Variants in LHCGR observed in about 807,000 individuals in gnomAD.
LHCGR encodes lutropin-choriogonadotropic hormone receptor.
A neutral mutation model predicts 60.7 loss-of-function variants in LHCGR; 55 were observed. That is an observed-to-expected ratio of 0.91 (90% CI 0.73 to 1.13). The LOEUF (loss-of-function observed/expected upper bound fraction) is 1.13, where lower values mean the gene tolerates loss of function less well. Among genes scored for constraint, LHCGR ranks in the 50% most tolerant of loss-of-function variants. LHCGR has a pLI of 0.00. For missense variants in LHCGR, 862 were observed against 836.0 expected, an observed-to-expected ratio of 1.03 and a Z score of -0.38; for synonymous variants, 337 against 316.5, an observed-to-expected ratio of 1.06 and a Z score of -0.69.
intron 1 of LHCGR, among the ~76,000 whole-genome samples, chr2:48,742,984 G>T (rs947244195): frequency 2.6e-5 from 4 of 152,088 alleles, no homozygotes; most frequent in African/African-American, 7.2e-5. Context: ...GAATCCAATA[G>T]ATGCAATAAA....
intron 1 of LHCGR, among the ~76,000 whole-genome samples, chr2:48,750,968 G>A (rs1056437035): frequency 6.6e-6 from 1 of 152,226 alleles, no homozygotes; most frequent in Admixed American, 6.5e-5. Context: ...ATTGTCAATT[G>A]TCAATATTGC....
rs1558796478 is a variant in LHCGR, at chr2:48,687,849, GT to G, written c.1947del (p.Glu649AspfsTer30). ...GCTGAAAAATCTTTCCTTCTATAAAGTTCAGCCCGACGTTTACAGCAGCCAA... is the reference window on the plus strand; with the variant it reads ...GCTGAAAAATCTTTCCTTCTATAAAGTCAGCCCGACGTTTACAGCAGCCAA... ...SKFGCCKRRA[E>X]LYRRKDFSAY... On this transcript the variant is annotated frameshift_variant, in exon 11 of 11. Transcript: ENST00000294954. LOFTEE classifies it high-confidence loss of function. The G allele has an allele frequency of 6.2e-7, 1 of 1,614,096 alleles. No homozygotes were observed. Among genetic ancestry groups the G allele is most frequent in the South Asian group, 1.1e-5 (1 of 91,082 alleles).
intron 4 of LHCGR, among the ~76,000 whole-genome samples, chr2:48,724,568 A>G (rs1668637667): frequency 6.6e-6 from 1 of 152,204 alleles, no homozygotes. Context: ...GCAGTGTGGG[A>G]TTAGACTGCA....
At chr2:48,751,520 A>G (rs528916416) in intron 1 of LHCGR, among the ~76,000 whole-genome samples, 1 of 152,140 alleles carries the variant, frequency 6.6e-6, no homozygotes, top group Non-Finnish European at 1.5e-5. Flanking sequence ...CATTCTGTGA[A>G]TTCCTTAGAG....
chr2:48,721,891 C>T (rs1668513921), intron 6 of LHCGR: 3 of 420,376 alleles, frequency 7.1e-6, no homozygotes, highest in Non-Finnish European at 1.4e-5. Context: ...GTGACTCATG[C>T]CTGTTTTCCC....
intron 6 of LHCGR, among the ~76,000 whole-genome samples, chr2:48,718,265 G>A (rs1156486305): frequency 2.0e-5 from 3 of 152,156 alleles, no homozygotes; most frequent in South Asian, 2.1e-4. Context: ...CTACTCAAAT[G>A]TCAGTAATTG....
chr2:48,731,253 G>A lies in LHCGR; in HGVS notation c.207C>T (p.Phe69=), dbSNP rs911406588. 4 of 1,611,562 alleles carry A rather than the reference G, an allele frequency of 2.5e-6. No homozygotes were observed. Among genetic ancestry groups the A allele is most frequent in the Non-Finnish European group, 3.4e-6 (4 of 1,178,348 alleles). The change falls in exon 2 of 11, where the codon TTC becomes TTT. Residue 69 remains phenylalanine (F), a synonymous_variant. Transcript: ENST00000294954. ...TTTTTATGACCTCATTAAGTCCTCT[G>A]AAAGCTTGAGATGGGATCACTTTGA... ...LPVKVIPSQA[F]RGLNEVIKIE...
At chr2:48,735,659 T>G (rs903835351) in intron 1 of LHCGR, among the ~76,000 whole-genome samples, 6 of 152,234 alleles carry the variant, frequency 3.9e-5, no homozygotes, top group African/African-American at 1.2e-4. Flanking sequence ...GTGTTAGGAC[T>G]ACCCAGTGGA....
rs1196940430 is a variant in LHCGR, at chr2:48,688,883, T to G, written c.948-34A>C. 4.7e-5 allele frequency: 75 copies of G among 1,593,562 alleles called. No individual in the cohort carries two copies. Among genetic ancestry groups the G allele is most frequent in the Non-Finnish European group, 5.8e-5 (67 of 1,162,154 alleles). ...AGAATTATTGGCTTGAGGTAAGGGA[T>G]TTTCTCTGAGTATTAAAAAATTCAA... is the stretch of plus-strand genomic sequence containing the variant. On this transcript the variant is annotated intron_variant, in intron 10 of 10. Coordinates refer to ENST00000294954, the MANE Select transcript of LHCGR (RefSeq NM_000233.4). The surrounding 1 kb of genome is among the most constrained non-coding windows in gnomAD (Gnocchi z 5.2).
chr2:48,702,431 A>G (rs1327091035), intron 8 of LHCGR, among the ~76,000 whole-genome samples: 1 of 150,602 alleles, frequency 6.6e-6, no homozygotes, highest in African/African-American at 2.4e-5. Context: ...ACCCGCCGAC[A>G]GGCCCTGGTG....
At chr2:48,696,548 T>C (rs959873266) in intron 9 of LHCGR, among the ~76,000 whole-genome samples, 1 of 152,180 alleles carries the variant, frequency 6.6e-6, no homozygotes, top group Non-Finnish European at 1.5e-5. Context: ...TATAGCTCAA[T>C]GATTTCTCAC....
At chr2:48,715,700 T>C (rs1417212914) in intron 6 of LHCGR, among the ~76,000 whole-genome samples, 1 of 152,194 alleles carries the variant, frequency 6.6e-6, no homozygotes, top group African/African-American at 2.4e-5. Context: ...TGTGTATGTA[T>C]GTGTGGTCTC....
At position 48,755,527 on chromosome 2, in the gene LHCGR, C is replaced by T. The variant is rs1670167773; in HGVS notation, c.145G>A (p.Ala49Thr). The T allele has an allele frequency of 6.5e-7, 1 of 1,541,452 alleles. No individual in the cohort carries two copies. Among genetic ancestry groups the T allele is most frequent in the Non-Finnish European group, 8.7e-7 (1 of 1,143,934 alleles). The change falls in exon 1 of 11, where the codon GCC becomes ACC. Residue 49 changes from alanine to threonine, a missense_variant. Physicochemically the swap from Ala to Thr is moderately conservative, Grantham distance 58. Transcript: ENST00000294954. ...DGALRCPGPT[A>T]GLTRLSLAYL... ...TGTACTCACAGTCGAGTGAGACCGG[C>T]CGTGGGGCCGGGGCAGCGCAGGGCG... is the stretch of plus-strand genomic sequence containing the variant.
chr2:48,713,933 CA>C lies in LHCGR; in HGVS notation c.605+52del, dbSNP rs111834744. The C allele has an allele frequency of 0.1, 136,739 of 1,307,434 alleles. 8,605 individuals carry two copies. The highest frequency in any genetic ancestry group is 0.22 in the Middle Eastern group (1,227 of 5,474). 81.0% of individuals were successfully genotyped at this position (1,307,434 alleles called of 1,614,324 possible). ...TGAAGATTGAATGTGATCTTGTAGC[CA>C]GAGTAATATTTCATTTTTATTCCTG... On this transcript the variant is annotated intron_variant, in intron 7 of 10. Coordinates refer to ENST00000294954, the MANE Select transcript of LHCGR (RefSeq NM_000233.4).
Position 48,729,216 on chromosome 2 carries a change from T to C in LHCGR, c.245A>G (p.Gln82Arg), listed in dbSNP as rs766156571. Residue 82 changes from glutamine to arginine, a missense_variant, in exon 3 of 11, where the codon CAG becomes CGG. Gln to Arg is a conservative substitution (Grantham distance 43). Coordinates refer to ENST00000294954, the MANE Select transcript of LHCGR (RefSeq NM_000233.4). ...LNEVIKIEISQIDSLERIEAN... is the reference protein window; with the variant it reads ...LNEVIKIEISRIDSLERIEAN... Reference sequence around the variant, plus strand: ...TTCTATCCTTTCCAGGGAATCAATCTGAGAGATTTCACTAGGGAAGAGAGG... The same window carrying C: ...TTCTATCCTTTCCAGGGAATCAATCCGAGAGATTTCACTAGGGAAGAGAGG... 2 of 1,608,404 alleles carry C rather than the reference T, an allele frequency of 1.2e-6. No individual in the cohort carries two copies. The highest frequency in any genetic ancestry group is 2.2e-5 in the South Asian group (2 of 91,004).
At chr2:48,753,230 C>T (rs563848115) in intron 1 of LHCGR, among the ~76,000 whole-genome samples, 1 of 152,286 alleles carries the variant, frequency 6.6e-6, no homozygotes, top group South Asian at 2.1e-4. Flanking sequence ...GATGTTCATA[C>T]TGCTGAGCTA....
intron 2 of LHCGR, among the ~76,000 whole-genome samples, chr2:48,730,503 T>C (rs1668941539): frequency 6.6e-6 from 1 of 152,228 alleles, no homozygotes; most frequent in African/African-American, 2.4e-5. Flanking sequence ...TGTAGCATCT[T>C]CTTTAGAGAT....
chr2:48,707,423 T>C (rs1018703580), intron 8 of LHCGR, among the ~76,000 whole-genome samples: 3 of 120,600 alleles, frequency 2.5e-5, no homozygotes, highest in Non-Finnish European at 5.7e-5. Context: ...TTGAACACTG[T>C]GCTGGGAGAA....
At chr2:48,743,778 T>C (rs1226856200) in intron 1 of LHCGR, among the ~76,000 whole-genome samples, 1 of 152,072 alleles carries the variant, frequency 6.6e-6, no homozygotes, top group Admixed American at 6.6e-5. Flanking sequence ...CTTTGAATAC[T>C]GGCACAAGAC....
Sources: allele counts gnomAD v4.1 joint callset (sites outside exome capture counted in the v4.1 genomes callset), GRCh38; gene constraint gnomAD v4.1.1; non-coding constraint Gnocchi (gnomAD v3.1); transcripts MANE v1.5; gene names NCBI Gene and HGNC (gene_info 2026-07-23, HGNC 2026-07-21).